RMDN2: variants seen among roughly 807,000 people sequenced by gnomAD.
The protein encoded by RMDN2 is regulator of microtubule dynamics 2.
A neutral mutation model predicts 52.8 loss-of-function variants in RMDN2; 61 were observed. The ratio of observed to expected loss-of-function variants is 1.16; its 90% CI spans 0.94 to 1.43. The LOEUF (loss-of-function observed/expected upper bound fraction) is 1.43, where lower values mean the gene tolerates loss of function less well. Among genes scored for constraint, RMDN2 ranks in the 40% most tolerant of loss-of-function variants. The pLI, the probability that RMDN2 is intolerant of heterozygous loss-of-function variation, is 0.00. For synonymous variants in RMDN2, 180 were observed against 153.1 expected, an observed-to-expected ratio of 1.18 and a Z score of -1.30; for missense variants, 592 against 475.3, an observed-to-expected ratio of 1.25 and a Z score of -2.28.
At chr2:37,923,325 A>C (rs1370724327), upstream of RMDN2, 4 of 152,174 alleles carry the variant, frequency 2.6e-5, no homozygotes, top group Admixed American at 2.0e-4. Flanking sequence ...GAACCTGAAG[A>C]TCAAGTCAGT....
At chr2:37,968,980 T>C (rs763474962) in intron 2 of RMDN2, among the ~76,000 whole-genome samples, 3 of 152,006 alleles carry the variant, frequency 2.0e-5, no homozygotes, top group East Asian at 1.9e-4. Context: ...CTGAGAAATA[T>C]CCAGTTTTAA....
chr2:38,034,712 TA>T (rs1680457857), intron 10 of RMDN2, among the ~76,000 whole-genome samples: 1 of 150,768 alleles, frequency 6.6e-6, no homozygotes, highest in African/African-American at 2.4e-5. Flanking sequence ...CTAATATATT[TA>T]TATTTATTTA....
Position 37,963,798 on chromosome 2 carries a change from G to A in RMDN2, c.453-10242G>A, listed in dbSNP as rs1251934057. ...CTTTCTATTCCACAAAACCGCCATC[G>A]TCATCATGGCCCGTTCTCAATGAGC... On this transcript the variant is annotated intron_variant, in intron 2 of 10. Transcript: ENST00000354545. Among the ~76,000 whole-genome samples, 8 of 152,116 alleles carry A rather than the reference G, an allele frequency of 5.3e-5. No homozygotes were observed. In the East Asian group the frequency reaches 7.7e-4, roughly 15 times the overall value.
chr2:37,957,845 G>A (rs1171415427), intron 2 of RMDN2, among the ~76,000 whole-genome samples: 4 of 152,130 alleles, frequency 2.6e-5, no homozygotes, highest in African/African-American at 9.7e-5. Context: ...AAGGGGTCCA[G>A]TTTCAGTTTT....
chr2:37,976,506 G>C lies in RMDN2; in HGVS notation c.730+1192G>C, dbSNP rs546481907. The C allele has an allele frequency of 3.3e-5, 5 of 152,294 alleles. 1 individual carries two copies. In the South Asian group the frequency reaches 1.0e-3, roughly 32 times the overall value. 9.4% of individuals were successfully genotyped at this position (152,294 alleles called of 1,614,324 possible). On this transcript the variant is annotated intron_variant, in intron 4 of 10. Transcript: ENST00000354545. ...TGTAATTTTTATTTCCAAGTAGAAAGTTTTACCAAACTCCTTGTAATTATA... is the reference window on the plus strand; with the variant it reads ...TGTAATTTTTATTTCCAAGTAGAAACTTTTACCAAACTCCTTGTAATTATA...
Position 38,009,539 on chromosome 2 carries a change from G to A in RMDN2, c.1179+5323G>A, listed in dbSNP as rs879812614. ...CTTGTGCATTTGTCACGTAGTTCTC[G>A]TGCCTTGGTTTTCAGCTCCATCAGG... On this transcript the variant is annotated intron_variant, in intron 10 of 10. Coordinates refer to ENST00000354545, the MANE Select transcript of RMDN2 (RefSeq NM_001170791.3). Among the ~76,000 whole-genome samples, 24 of 152,078 alleles carry A rather than the reference G, an allele frequency of 1.6e-4. 1 individual carries two copies. Among genetic ancestry groups the A allele is most frequent in the Admixed American group, 1.5e-3 (23 of 15,264 alleles).
chr2:37,956,830 A>G (rs1207440771), intron 2 of RMDN2, among the ~76,000 whole-genome samples: 1 of 150,196 alleles, frequency 6.7e-6, no homozygotes, highest in Non-Finnish European at 1.5e-5. Context: ...AACAGCCCAC[A>G]GTGTGTGATG....
rs1446416693 is a variant in RMDN2, at chr2:37,975,254, T to TA, written c.671dup (p.Tyr224Ter). 6.2e-7 allele frequency: 1 copy of TA among 1,611,596 alleles called. No homozygotes were observed. Among genetic ancestry groups the TA allele is most frequent in the Non-Finnish European group, 8.5e-7 (1 of 1,177,854 alleles). ...GTTTATGTGGCGATTTGCTCGTGCT[T>TA]ATGGAGACATGTATGAACTATCTAC... The part of the protein sequence containing the change: ...IEFMWRFARA[Y>*]GDMYELSTNT... Residue 224 changes from tyrosine (Y) to a stop codon, truncating the protein, a stop_gained and frameshift_variant, in exon 4 of 11, where the codon TAT becomes TAAT. Coordinates refer to ENST00000354545, the MANE Select transcript of RMDN2 (RefSeq NM_001170791.3). LOFTEE classifies it high-confidence loss of function.
chr2:38,042,980 G>A (rs985894268), intron 10 of RMDN2, among the ~76,000 whole-genome samples: 5 of 152,204 alleles, frequency 3.3e-5, no homozygotes, highest in East Asian at 3.9e-4. Flanking sequence ...TGCTCTATTG[G>A]ATGGAGAATT....
At chr2:37,943,080 A>C (rs1290059058) in intron 2 of RMDN2, among the ~76,000 whole-genome samples, 1 of 152,226 alleles carries the variant, frequency 6.6e-6, no homozygotes, top group Non-Finnish European at 1.5e-5. Context: ...AGGAACTGCT[A>C]AAGGCTGAGA....
chr2:38,010,073 T>A (rs1164877920), intron 10 of RMDN2, among the ~76,000 whole-genome samples: 1 of 152,054 alleles, frequency 6.6e-6, no homozygotes, highest in Non-Finnish European at 1.5e-5. Context: ...CCTCTGGAAG[T>A]TTTGTCTCAG....
intron 10 of RMDN2, among the ~76,000 whole-genome samples, chr2:38,008,399 G>T (rs1024887853): frequency 2.6e-5 from 4 of 152,124 alleles, no homozygotes; most frequent in Non-Finnish European, 4.4e-5. Flanking sequence ...CCTGTATTGG[G>T]TGCATATATA....
chr2:38,024,573 A>G (rs1338135208), intron 10 of RMDN2, among the ~76,000 whole-genome samples: 1 of 152,088 alleles, frequency 6.6e-6, no homozygotes, highest in East Asian at 1.9e-4. Context: ...TCATCTGTAT[A>G]TCTTTTATGG....
intron 2 of RMDN2, among the ~76,000 whole-genome samples, chr2:37,945,796 T>C (rs1668170799): frequency 6.6e-6 from 1 of 152,168 alleles, no homozygotes; most frequent in East Asian, 1.9e-4. Flanking sequence ...GGCAACTTAC[T>C]GGTCAGGGAC....
At chr2:38,005,545 G>C (rs374916262) in intron 10 of RMDN2, among the ~76,000 whole-genome samples, 1 of 152,122 alleles carries the variant, frequency 6.6e-6, no homozygotes, top group East Asian at 1.9e-4. Context: ...TTTTTGATGG[G>C]GTTGTTTGTT....
chr2:37,990,450 C>T (rs758087736), intron 6 of RMDN2, among the ~76,000 whole-genome samples: 8 of 122,256 alleles, frequency 6.5e-5, no homozygotes, highest in Admixed American at 2.2e-4. Context: ...ACCAGGGAGG[C>T]GGAGGTTGCA....
intron 2 of RMDN2, among the ~76,000 whole-genome samples, chr2:37,942,258 T>C (rs1406399711): frequency 6.6e-6 from 1 of 152,170 alleles, no homozygotes; most frequent in Non-Finnish European, 1.5e-5. Context: ...CCCAATGAGA[T>C]GCACCAGGTA....
At chr2:38,010,629 A>C (rs541796775) in intron 10 of RMDN2, among the ~76,000 whole-genome samples, 1 of 152,268 alleles carries the variant, frequency 6.6e-6, no homozygotes, top group African/African-American at 2.4e-5. Flanking sequence ...TTTGACTAGG[A>C]AAGGGAATTC....
In RMDN2 at chr2:38,028,543, T is replaced by G. The variant is rs189041331; in HGVS notation, c.1713+24327T>G. On this transcript the variant is annotated intron_variant, in intron 10 of 10. Coordinates refer to the RMDN2 transcript ENST00000234195. Reference sequence around the variant, plus strand: ...TCCTCTCAGCTTCACTTCTTGCTAGTAATGGCATGTAGCAACTTCCTCAGC... The same window carrying G: ...TCCTCTCAGCTTCACTTCTTGCTAGGAATGGCATGTAGCAACTTCCTCAGC... 1.0e-3 allele frequency among the ~76,000 whole-genome samples: 155 copies of G among 152,346 alleles called. 1 individual carries two copies. The highest frequency in any genetic ancestry group is 3.6e-3 in the African/African-American group (151 of 41,570).
Sources: allele counts gnomAD v4.1 joint callset (sites outside exome capture counted in the v4.1 genomes callset), GRCh38; gene constraint gnomAD v4.1.1; transcripts MANE v1.5; gene names NCBI Gene and HGNC (gene_info 2026-07-23, HGNC 2026-07-21).